TBXAS1: variants seen among roughly 807,000 people sequenced by gnomAD.
TBXAS1 encodes thromboxane-A synthase.
Under a neutral mutation model 60.7 loss-of-function variants are expected in TBXAS1, and 48 were observed. That is an observed-to-expected ratio of 0.79 (90% confidence interval 0.63 to 1.01). The LOEUF (loss-of-function observed/expected upper bound fraction) is 1.01. Among genes scored for constraint, TBXAS1 ranks in the 50% least tolerant of loss-of-function variants. TBXAS1 has a pLI of 0.00. For missense variants in TBXAS1, 685 were observed against 686.3 expected (o/e 1.00, Z 0.02); for synonymous variants, 287 against 269.7 (o/e 1.06, Z -0.63).
At position 140,017,796 on chromosome 7, in the gene TBXAS1, T is replaced by C. The variant is rs1043926975; in HGVS notation, c.1490T>C (p.Leu497Pro). ...GTCAAGTTGACACTGCTCCACGTGCTGCACAAGTTCCGGTTCCAAGCCTGC... is the reference window on the plus strand; with the variant it reads ...GTCAAGTTGACACTGCTCCACGTGCCGCACAAGTTCCGGTTCCAAGCCTGC... ...LEVKLTLLHV[L>P]HKFRFQACPE... The change falls in exon 12 of 13, where the codon CTG becomes CCG. Residue 497 changes from leucine (L) to proline (P), a missense_variant. By Grantham distance (98) the Leu-to-Pro change is moderately conservative. Transcript: ENST00000448866. 1 of 1,614,036 alleles carries C rather than the reference T, an allele frequency of 6.2e-7. No individual in the cohort carries two copies.
intron 4 of TBXAS1, among the ~76,000 whole-genome samples, chr7:139,809,241 A>AGATAGAT (rs1569493095): frequency 0.014 from 671 of 48,528 alleles, 2 homozygotes; most frequent in Non-Finnish European, 0.017. Flanking sequence ...GATGATAGAT[A>AGATAGAT]GATAGATAGA....
At chr7:139,866,330 T>C (rs1801415902) in intron 1 of TBXAS1, among the ~76,000 whole-genome samples, 1 of 152,146 alleles carries the variant, frequency 6.6e-6, no homozygotes, top group African/African-American at 2.4e-5. Context: ...ATAAGAATGG[T>C]TTAGTAAATT....
Position 139,839,059 on chromosome 7 carries a change from C to T in TBXAS1, c.89+9580C>T, listed in dbSNP as rs151243578. Among the ~76,000 whole-genome samples the T allele has an allele frequency of 8.5e-5, 13 of 152,326 alleles. No homozygotes were observed. The East Asian group carries it at 2.5e-3, about 29-fold the overall frequency. On this transcript the variant is annotated intron_variant, in intron 1 of 12. Transcript: ENST00000448866. ...GTCCTAGCGTATTTAATCTTTCAAG[C>T]AACACCTAAGGACTGGCAGCTGGGT...
At chr7:139,936,387 G>C in intron 5 of TBXAS1, 80 bp downstream of exon 5, 1 of 1,389,484 alleles carries the variant, frequency 7.2e-7, no homozygotes, top group Non-Finnish European at 1.0e-6. Flanking sequence ...GCCAGTTCAT[G>C]TTGCATCACT....
At chr7:139,989,368 A>T (rs1812730440) in intron 9 of TBXAS1, among the ~76,000 whole-genome samples, 1 of 152,218 alleles carries the variant, frequency 6.6e-6, no homozygotes. Context: ...CCAGTGCCAG[A>T]CAGCTCCACA....
chr7:140,003,106 A>G (rs1159113778), intron 9 of TBXAS1, among the ~76,000 whole-genome samples: 1 of 147,796 alleles, frequency 6.8e-6, no homozygotes, highest in Admixed American at 6.7e-5. Context: ...CCTGGGCAAC[A>G]AGAGCGAAAC....
At chr7:139,855,099 G>A (rs1209376529) in intron 1 of TBXAS1, among the ~76,000 whole-genome samples, 2 of 152,128 alleles carry the variant, frequency 1.3e-5, no homozygotes, top group African/African-American at 2.4e-5. Context: ...TGAGGGCAAA[G>A]CTATCATAAA....
At chr7:140,008,361 A>G (rs1814258183) in intron 10 of TBXAS1, among the ~76,000 whole-genome samples, 1 of 151,510 alleles carries the variant, frequency 6.6e-6, no homozygotes, top group African/African-American at 2.4e-5. Flanking sequence ...CCCTCTCCCC[A>G]TGCCAGCATT....
At chr7:139,921,450 G>A (rs556353885) in intron 4 of TBXAS1, among the ~76,000 whole-genome samples, 1 of 152,092 alleles carries the variant, frequency 6.6e-6, no homozygotes, top group African/African-American at 2.4e-5. Flanking sequence ...CTGTAATTTT[G>A]CACTTTGGGA....
chr7:139,838,492 A>T (rs1328326799), intron 1 of TBXAS1, among the ~76,000 whole-genome samples: 1 of 152,072 alleles, frequency 6.6e-6, no homozygotes, highest in African/African-American at 2.4e-5. Flanking sequence ...CTTTCCTGAA[A>T]GCTTGCTGTG....
Position 140,020,139 on chromosome 7 carries a change from T to TCAAAGAAAACCCTA in TBXAS1, c.*41_*54dup. 6.3e-7 allele frequency: 1 copy of TCAAAGAAAACCCTA among 1,596,380 alleles called. No individual in the cohort carries two copies. The highest frequency in any genetic ancestry group is 1.3e-5 in the African/African-American group (1 of 74,672). ...GGGTGGGGGGAGGGCACCCCCAAATTCAAAGAAAACCCTAAGTGTGGATGT... is the reference window on the plus strand; with the variant it reads ...GGGTGGGGGGAGGGCACCCCCAAATTCAAAGAAAACCCTACAAAGAAAACCCTAAGTGTGGATGT... On this transcript the variant is annotated 3_prime_UTR_variant, in exon 13 of 13. Transcript: ENST00000448866.
rs542517348 is a variant in TBXAS1, at chr7:140,018,538, C to T, written c.1527+705C>T. Among the ~76,000 whole-genome samples, 6 of 152,298 alleles carry T rather than the reference C, an allele frequency of 3.9e-5. No individual in the cohort carries two copies. In the East Asian group the frequency reaches 7.7e-4, roughly 20 times the overall value. On this transcript the variant is annotated intron_variant, in intron 12 of 12. Transcript: ENST00000448866. ...GAGCTCTCCTGAAATGGGGCCTCAC[C>T]CACTTTTCCAGCCCTATCTCCCCCC...
Position 139,882,121 on chromosome 7 carries a change from G to T in TBXAS1, c.236+6484G>T, listed in dbSNP as rs578108532. On this transcript the variant is annotated intron_variant, in intron 3 of 12. Coordinates refer to ENST00000448866, the MANE Select transcript of TBXAS1 (RefSeq NM_001061.7). The stretch of plus-strand genomic sequence containing the variant: ...CATGTTTATGTACTATTTAGATGGG[G>T]TTGAAGAACAGCATAGAGATGGTTT... 4.6e-5 allele frequency among the ~76,000 whole-genome samples: 7 copies of T among 152,296 alleles called. No individual in the cohort carries two copies. The South Asian group carries it at 1.4e-3, about 32-fold the overall frequency.
chr7:139,793,240 A>C (rs1797444754), intron 4 of TBXAS1, among the ~76,000 whole-genome samples: 1 of 152,000 alleles, frequency 6.6e-6, no homozygotes, highest in South Asian at 2.1e-4. Context: ...AACATAGTGA[A>C]ACCTTGTCTC....
At chr7:139,785,657 A>G (rs1797168786) in intron 3 of TBXAS1, among the ~76,000 whole-genome samples, 1 of 152,086 alleles carries the variant, frequency 6.6e-6, no homozygotes, top group African/African-American at 2.4e-5. Context: ...ATTGTTGACA[A>G]CATTGGCTTC....
chr7:139,895,763 T>C (rs1415991932), intron 3 of TBXAS1, among the ~76,000 whole-genome samples: 1 of 152,184 alleles, frequency 6.6e-6, no homozygotes, highest in African/African-American at 2.4e-5. Context: ...GAGGGTTCTG[T>C]ATGCTGAGCT....
intron 11 of TBXAS1, 117 bp downstream of exon 11, chr7:140,015,977 A>G: frequency 1.4e-6 from 2 of 1,397,150 alleles, no homozygotes; most frequent in Non-Finnish European, 2.0e-6. Context: ...CCAAATAGTC[A>G]AAAGTTATGG....
intron 1 of TBXAS1, among the ~76,000 whole-genome samples, chr7:139,833,958 G>C (rs1798893795): frequency 6.6e-6 from 1 of 151,904 alleles, no homozygotes; most frequent in African/African-American, 2.4e-5. Flanking sequence ...GGAACAAATG[G>C]ACCTAACAGA....
chr7:139,923,804 T>C (rs1806676946), intron 4 of TBXAS1, among the ~76,000 whole-genome samples: 1 of 152,182 alleles, frequency 6.6e-6, no homozygotes, highest in African/African-American at 2.4e-5. Context: ...TTCACTACTC[T>C]TCCCAGCCTC....
Sources: gnomAD v4.1 joint callset for allele counts (sites outside exome capture counted in the v4.1 genomes callset) on GRCh38, gnomAD v4.1.1 for gene constraint, MANE v1.5 for transcripts, NCBI Gene and HGNC (gene_info 2026-07-23, HGNC 2026-07-21) for gene names.